The following RGS5 variants were observed in gnomAD, a reference collection of about 807,000 sequenced individuals.
The protein encoded by RGS5 is regulator of G-protein signalling 5.
RGS5 carries 20 observed loss-of-function variants against 18.9 expected under a neutral mutation model. The ratio of observed to expected loss-of-function variants is 1.06; its 90% CI spans 0.74 to 1.54. RGS5 has a LOEUF of 1.54. Among genes scored for constraint, RGS5 ranks in the 40% most tolerant of loss-of-function variants. The pLI is 0.00. For synonymous variants in RGS5, 57 were observed against 76.2 expected (o/e 0.75, Z 1.31); for missense variants, 201 against 211.8 (o/e 0.95, Z 0.32).
intron 1 of RGS5, among the ~76,000 whole-genome samples, chr1:163,189,248 A>C (rs1187713916): frequency 6.6e-6 from 1 of 152,172 alleles, no homozygotes; most frequent in African/African-American, 2.4e-5. Context: ...GTTTTATTGA[A>C]TTTGCTATCT....
intron 2 of RGS5, among the ~76,000 whole-genome samples, chr1:163,243,659 A>AC (rs1647856990): frequency 6.6e-6 from 1 of 151,146 alleles, no homozygotes; most frequent in African/African-American, 2.4e-5. Context: ...AAAAAAAAAA[A>AC]AAAAAACCTA....
At chr1:163,206,032 C>T (rs1196980736), upstream of RGS5, among the ~76,000 whole-genome samples, 1 of 152,130 alleles carries the variant, frequency 6.6e-6, no homozygotes, top group Non-Finnish European at 1.5e-5. Context: ...CTTCATGTTG[C>T]TTGATTTCTG....
At chr1:163,173,443 G>A (rs1658394401) in intron 1 of RGS5, among the ~76,000 whole-genome samples, 1 of 152,130 alleles carries the variant, frequency 6.6e-6, no homozygotes, top group Non-Finnish European at 1.5e-5. Context: ...ATGCTGGCTG[G>A]CTGGGAAGTC....
intron 2 of RGS5, among the ~76,000 whole-genome samples, chr1:163,273,026 A>G (rs1340113442): frequency 6.6e-6 from 1 of 151,926 alleles, no homozygotes; most frequent in African/African-American, 2.4e-5. Flanking sequence ...TGATTTCCAT[A>G]TACTTGACAT....
intron 1 of RGS5, among the ~76,000 whole-genome samples, chr1:163,198,807 T>G (rs35856076): frequency 6.6e-6 from 1 of 151,986 alleles, no homozygotes; most frequent in Non-Finnish European, 1.5e-5. Flanking sequence ...ATATTTGTGG[T>G]GTTTTTATTT....
intron 2 of RGS5, among the ~76,000 whole-genome samples, chr1:163,285,629 G>A (rs10917714): frequency 0.3 from 46,124 of 151,998 alleles, 7,052 homozygotes; most frequent in Non-Finnish European, 0.32. Context: ...TCCCCACACA[G>A]ATCTCATGTG....
At chr1:163,258,830 T>G (rs998870025) in intron 2 of RGS5, among the ~76,000 whole-genome samples, 1 of 152,066 alleles carries the variant, frequency 6.6e-6, no homozygotes, top group Admixed American at 6.6e-5. Flanking sequence ...TGTGCCACCA[T>G]GCTTGGCTAG....
At chr1:163,170,820 T>C (rs1658266158) in intron 1 of RGS5, among the ~76,000 whole-genome samples, 1 of 152,186 alleles carries the variant, frequency 6.6e-6, no homozygotes, top group Non-Finnish European at 1.5e-5. Context: ...GGGTAAAAAC[T>C]GGGACTGTTC....
intron 2 of RGS5, among the ~76,000 whole-genome samples, chr1:163,260,848 G>T (rs1457330631): frequency 6.6e-6 from 1 of 152,134 alleles, no homozygotes; most frequent in Non-Finnish European, 1.5e-5. Context: ...TTTGTTCAAA[G>T]ATGTGTCCTC....
At chr1:163,305,985 T>C (rs191178470) in intron 2 of RGS5, among the ~76,000 whole-genome samples, 2 of 150,606 alleles carry the variant, frequency 1.3e-5, no homozygotes, top group East Asian at 3.9e-4. Context: ...GCTATACAAC[T>C]GTTTCTTATT....
upstream of RGS5, among the ~76,000 whole-genome samples, chr1:163,218,036 GAA>G (rs149864062): frequency 7.7e-5 from 11 of 143,730 alleles, no homozygotes; most frequent in East Asian, 1.4e-3. Context: ...TGACCTGCCT[GAA>G]AAAAAAAAAA....
chr1:163,163,040 G>GGC (rs200153299), intron 2 of RGS5, among the ~76,000 whole-genome samples: 2,258 of 26,886 alleles, frequency 0.084, 72 homozygotes, highest in African/African-American at 0.14. Context: ...ATGATATTTC[G>GGC]GGGGGGGGGG....
upstream of RGS5, among the ~76,000 whole-genome samples, chr1:163,219,529 T>C (rs965643705): frequency 6.6e-6 from 1 of 152,150 alleles, no homozygotes; most frequent in Non-Finnish European, 1.5e-5. Flanking sequence ...ACCATTTTTA[T>C]AAAATGGTAA....
At chr1:163,303,154 TCA>T (rs770735680) in intron 2 of RGS5, among the ~76,000 whole-genome samples, 8 of 152,216 alleles carry the variant, frequency 5.3e-5, no homozygotes, top group Non-Finnish European at 8.8e-5. Flanking sequence ...TTTTACATAT[TCA>T]AATATTATAT....
intron 2 of RGS5, among the ~76,000 whole-genome samples, chr1:163,301,570 C>T (rs1368536419): frequency 2.0e-5 from 3 of 152,116 alleles, no homozygotes; most frequent in Non-Finnish European, 4.4e-5. Context: ...TGAGCTCAAC[C>T]GATCCTCCCG....
intron 1 of RGS5, among the ~76,000 whole-genome samples, chr1:163,200,413 C>T (rs2101659465): frequency 6.6e-6 from 1 of 152,188 alleles, no homozygotes; most frequent in South Asian, 2.1e-4. Flanking sequence ...AGCATTGAAG[C>T]ATATCCATGT....
At chr1:163,304,461 G>C (rs2101644442) in intron 2 of RGS5, 1 of 152,244 alleles carries the variant, frequency 6.6e-6, no homozygotes, top group East Asian at 1.9e-4. Flanking sequence ...GGATTTAATA[G>C]GTTTAATATG....
intron 2 of RGS5, among the ~76,000 whole-genome samples, chr1:163,269,905 G>A (rs1342470207): frequency 6.6e-6 from 1 of 152,094 alleles, no homozygotes; most frequent in East Asian, 1.9e-4. Flanking sequence ...TACAGAATCT[G>A]TCAAATCTAA....
At chr1:163,164,100 G>T (rs1657929967) in intron 2 of RGS5, among the ~76,000 whole-genome samples, 1 of 152,140 alleles carries the variant, frequency 6.6e-6, no homozygotes, top group Admixed American at 6.5e-5. Context: ...ATTGATTTAA[G>T]GGCACAGTCA....
Sources: allele counts gnomAD v4.1 joint callset (sites outside exome capture counted in the v4.1 genomes callset), GRCh38; gene constraint gnomAD v4.1.1; transcripts MANE v1.5; gene names NCBI Gene and HGNC (gene_info 2026-07-23, HGNC 2026-07-21).